TINAG: variants seen among roughly 807,000 people sequenced by gnomAD.
TINAG encodes the protein tubulointerstitial nephritis antigen.
Under a neutral mutation model 72.7 loss-of-function variants are expected in TINAG, and 83 were observed. The observed-to-expected ratio is 1.14, with a 90% confidence interval of 0.96 to 1.37. TINAG has a LOEUF of 1.37. Ranked by LOEUF, TINAG falls within the 40% of genes most tolerant of loss-of-function variation. The pLI is 0.00. For synonymous variants in TINAG, 234 were observed against 189.9 expected (o/e 1.23, Z -1.91); for missense variants, 685 against 576.6 (o/e 1.19, Z -1.93).
At chr6:54,385,226 G>T (rs75750240) in intron 10 of TINAG, among the ~76,000 whole-genome samples, 2,179 of 151,996 alleles carry the variant, frequency 0.014, 52 homozygotes, top group African/African-American at 0.05. Context: ...GCAAAGAGTT[G>T]ATGCTTTGCA....
intron 10 of TINAG, 71 bp from the exon 11 acceptor site, chr6:54,389,720 T>C: frequency 6.6e-7 from 1 of 1,517,808 alleles, no homozygotes; most frequent in South Asian, 1.4e-5. Context: ...TACAAATGAG[T>C]TCTCCATGGC....
chr6:54,367,711 T>C (rs548611228), intron 9 of TINAG, among the ~76,000 whole-genome samples: 2 of 151,926 alleles, frequency 1.3e-5, no homozygotes, highest in East Asian at 3.9e-4. Flanking sequence ...TTAAAACTTG[T>C]TGTGTATGAG....
intron 9 of TINAG, among the ~76,000 whole-genome samples, chr6:54,371,985 T>TTG (rs1763627568): frequency 2.4e-5 from 2 of 83,416 alleles, no homozygotes; most frequent in Non-Finnish European, 4.9e-5. Flanking sequence ...AGTCATGTTT[T>TTG]TTTTTTTTTT....
chr6:54,309,476 G>A (rs968585252), intron 1 of TINAG, among the ~76,000 whole-genome samples: 1 of 152,074 alleles, frequency 6.6e-6, no homozygotes, highest in Non-Finnish European at 1.5e-5. Context: ...TGCTTCATTT[G>A]TTTTTCCAGT....
At chr6:54,322,330 A>G (rs1247226462) in intron 3 of TINAG, among the ~76,000 whole-genome samples, 1 of 145,592 alleles carries the variant, frequency 6.9e-6, no homozygotes, top group Non-Finnish European at 1.5e-5. Context: ...CAAAACAAAC[A>G]AACAAAAAAA....
intron 9 of TINAG, among the ~76,000 whole-genome samples, chr6:54,361,180 C>T (rs1763224368): frequency 6.6e-6 from 1 of 151,350 alleles, no homozygotes; most frequent in Non-Finnish European, 1.5e-5. Context: ...TTAGGCCTAT[C>T]TATTCCCTTA....
intron 1 of TINAG, among the ~76,000 whole-genome samples, chr6:54,312,321 T>C (rs950538851): frequency 2.0e-5 from 3 of 152,106 alleles, no homozygotes; most frequent in Non-Finnish European, 4.4e-5. Flanking sequence ...TTTTAAAATA[T>C]ATTTTATAGT....
chr6:54,320,582 G>A lies in TINAG; in HGVS notation c.359G>A (p.Cys120Tyr). ...PHTQPWYPEG[C>Y]FKDGQHYEEG... ...TCTTTACATGTTACTTTGACAGGTT[G>A]CTTCAAAGATGGTCAACATTATGAA... The change falls in exon 2 of 11, where the codon TGC (cysteine) becomes TAC (tyrosine). Residue 120 changes from cysteine to tyrosine, a missense_variant. Physicochemically the swap from Cys to Tyr is radical, Grantham distance 194. Transcript: ENST00000259782. 1 of 1,595,338 alleles carries A rather than the reference G, an allele frequency of 6.3e-7. No individual in the cohort carries two copies. The highest frequency in any genetic ancestry group is 1.2e-5 in the South Asian group (1 of 86,774).
At position 54,310,491 on chromosome 6, in the gene TINAG, TTTTCTTC is replaced by T. The variant is rs1466264190; in HGVS notation, c.355+1593_355+1599del. ...CTTTCTCCCTCCCTCTCTTTCTTTC[TTTTCTTC>T]TTTCTTTCTCTTTCTTTCTTTTCTT... is the stretch of plus-strand genomic sequence containing the variant. On this transcript the variant is annotated intron_variant, in intron 1 of 10. Coordinates refer to ENST00000259782, the MANE Select transcript of TINAG (RefSeq NM_014464.4). 8.4e-5 allele frequency among the ~76,000 whole-genome samples: 8 copies of T among 95,324 alleles called. No homozygotes were observed. In the East Asian group the frequency reaches 1.1e-3, roughly 13 times the overall value. The allele number at this position is 95,324 out of a possible 152,430, so 62.5% of individuals were successfully genotyped here. A position where few individuals can be genotyped will look rare whatever the true frequency, so the allele number is the denominator to read the frequency against.
intron 5 of TINAG, among the ~76,000 whole-genome samples, chr6:54,345,017 CTT>C (rs955017378): frequency 5.9e-5 from 9 of 151,958 alleles, no homozygotes; most frequent in Non-Finnish European, 8.8e-5. Flanking sequence ...ATTTTAAAAA[CTT>C]ATGTAATCAA....
intron 4 of TINAG, among the ~76,000 whole-genome samples, chr6:54,337,916 A>G (rs1461966520): frequency 1.3e-5 from 2 of 152,118 alleles, no homozygotes; most frequent in East Asian, 3.9e-4. Context: ...TTTTTCATCC[A>G]TGTAGGGAAA....
At chr6:54,357,534 G>A (rs563337281) in intron 9 of TINAG, among the ~76,000 whole-genome samples, 1 of 152,022 alleles carries the variant, frequency 6.6e-6, no homozygotes, top group South Asian at 2.1e-4. Context: ...TTGCTAAACA[G>A]CATCAATCTT....
At chr6:54,371,375 G>A (rs1763602002) in intron 9 of TINAG, among the ~76,000 whole-genome samples, 1 of 151,866 alleles carries the variant, frequency 6.6e-6, no homozygotes, top group Non-Finnish European at 1.5e-5. Flanking sequence ...AGGATTAAAT[G>A]AGATATGTGT....
intron 6 of TINAG, among the ~76,000 whole-genome samples, chr6:54,348,399 A>T (rs936313371): frequency 6.6e-6 from 1 of 152,058 alleles, no homozygotes; most frequent in African/African-American, 2.4e-5. Context: ...TAAAAATGTA[A>T]ATTATTATTG....
In TINAG at chr6:54,389,908, A is replaced by C; in HGVS notation, c.1414A>C (p.Ser472Arg). The C allele has an allele frequency of 6.2e-7, 1 of 1,611,800 alleles. No individual in the cohort carries two copies. ...TATCGCAGCTTGGGGCCAACTGACG[A>C]GTTCTGATGAACCATAACATATCAT... Reference protein sequence around the residue: ...LIIAAWGQLTSSDEP With the variant: ...LIIAAWGQLTRSDEP Residue 472 changes from serine to arginine, a missense_variant, in exon 11 of 11, where the codon AGT (serine) becomes CGT (arginine). By Grantham distance (110) the Ser-to-Arg change is moderately radical (BLOSUM62 -1). Coordinates refer to ENST00000259782, the MANE Select transcript of TINAG (RefSeq NM_014464.4).
At chr6:54,382,590 G>T (rs892487581) in intron 10 of TINAG, among the ~76,000 whole-genome samples, 1 of 152,058 alleles carries the variant, frequency 6.6e-6, no homozygotes, top group East Asian at 1.9e-4. Flanking sequence ...AGATGATATA[G>T]ATATTGGTAT....
chr6:54,327,112 T>C, intron 4 of TINAG, 196 bp downstream of exon 4: 1 of 1,549,276 alleles, frequency 6.5e-7, no homozygotes, highest in African/African-American at 1.4e-5. Context: ...GCAAGTTTAC[T>C]GTTACCAATT....
intron 1 of TINAG, among the ~76,000 whole-genome samples, chr6:54,309,182 A>G (rs563314206): frequency 1.9e-4 from 29 of 152,140 alleles, no homozygotes; most frequent in Non-Finnish European, 3.7e-4. Flanking sequence ...CTCAACTTGT[A>G]TAAGGATTAC....
At chr6:54,389,710 T>G in intron 10 of TINAG, 81 bp from the exon 11 acceptor site, 1 of 1,496,410 alleles carries the variant, frequency 6.7e-7, no homozygotes, top group Non-Finnish European at 8.9e-7. Flanking sequence ...CATTTAAAGT[T>G]ACAAATGAGT....
Sources: allele counts gnomAD v4.1 joint callset (sites outside exome capture counted in the v4.1 genomes callset), GRCh38; gene constraint gnomAD v4.1.1; transcripts MANE v1.5; gene names NCBI Gene and HGNC (gene_info 2026-07-23, HGNC 2026-07-21).